ENTPD1: variants seen among roughly 807,000 people sequenced by gnomAD.
The protein encoded by ENTPD1 is ATP diphosphohydrolase.
In ENTPD1, 33 loss-of-function variants were observed where a neutral mutation model predicts 57.0. The ratio of observed to expected loss-of-function variants is 0.58; its 90% CI spans 0.44 to 0.77. The LOEUF (loss-of-function observed/expected upper bound fraction) is 0.77, where lower values mean the gene tolerates loss of function less well. ENTPD1 is among the 30% of genes least tolerant of loss of function. The probability of loss-of-function intolerance (pLI) is 0.00; values close to 1 mark genes in which losing one functional copy is unlikely to be tolerated. For missense variants in ENTPD1, 501 were observed against 603.4 expected (o/e 0.83, Z 1.78); for synonymous variants, 202 against 218.8 (o/e 0.92, Z 0.68).
chr10:95,778,069 G>A (rs1477425889), intron 1 of ENTPD1, among the ~76,000 whole-genome samples: 1 of 152,180 alleles, frequency 6.6e-6, no homozygotes, highest in Non-Finnish European at 1.5e-5. Flanking sequence ...CCTTGGCTAG[G>A]AAAGGGAAAT....
At chr10:95,728,214 C>A (rs1444633100) in intron 1 of ENTPD1, among the ~76,000 whole-genome samples, 1 of 152,150 alleles carries the variant, frequency 6.6e-6, no homozygotes. Flanking sequence ...TAATAGCCTA[C>A]TATTGGCCAG....
rs10882666 is a variant in ENTPD1 at position 95,795,537 on chromosome 10, G to T, written c.17-27700G>T. Among the ~76,000 whole-genome samples, 3 of 152,000 alleles carry T rather than the reference G, an allele frequency of 2.0e-5. No homozygotes were observed. The East Asian group carries it at 5.8e-4, about 29-fold the overall frequency. On this transcript the variant is annotated intron_variant, in intron 1 of 9. Transcript: ENST00000371205. ...GGACCAAATATATAGTATTTCCCAC[G>T]TATGGACAGTAACTAAGACCATGGG...
rs150772804 is a variant in ENTPD1, at chr10:95,823,245, G to A, written c.25G>A (p.Val9Met). The A allele has an allele frequency of 9.6e-4, 1,551 of 1,614,030 alleles. 3 individuals carry two copies. Among genetic ancestry groups the A allele is most frequent in the Non-Finnish European group, 1.3e-3 (1,475 of 1,179,944 alleles). Residue 9 changes from valine (V) to methionine (M), a missense_variant, in exon 2 of 10, where the codon GTG becomes ATG. Coordinates refer to ENST00000371205, the MANE Select transcript of ENTPD1 (RefSeq NM_001776.6). MEDTKESN[V>M]KTFCSKNILA... ...TCTGCTTTTGGTTTTAGAGTCTAAC[G>A]TGAAGACATTTTGCTCCAAGAATAT...
intron 1 of ENTPD1, among the ~76,000 whole-genome samples, chr10:95,792,625 T>C (rs1236076586): frequency 1.3e-5 from 2 of 152,202 alleles, no homozygotes; most frequent in Non-Finnish European, 2.9e-5. Flanking sequence ...AATTAGGCTG[T>C]TGCCTCTCTC....
the ENTPD1 span, among the ~76,000 whole-genome samples, chr10:95,705,655 C>G: frequency 2.3e-3 from 356 of 152,258 alleles, no homozygotes; most frequent in Non-Finnish European, 3.6e-3. Context: ...CCACACCTGG[C>G]TAATTTTTGT....
At chr10:95,766,883 C>CTTT (rs377239129) in intron 1 of ENTPD1, among the ~76,000 whole-genome samples, 8 of 142,788 alleles carry the variant, frequency 5.6e-5, no homozygotes, top group Non-Finnish European at 6.1e-5. Flanking sequence ...TTGTAGCAAT[C>CTTT]TTTTTTTTTT....
intron 8 of ENTPD1, chr10:95,861,390 CAT>C (rs1354848400): frequency 2.0e-5 from 3 of 152,198 alleles, no homozygotes; most frequent in African/African-American, 7.2e-5. Flanking sequence ...TTATAAAAGA[CAT>C]AGCTCAAAAC....
At chr10:95,845,707 C>T in intron 6 of ENTPD1, 111 bp downstream of exon 6, 4 of 1,590,422 alleles carry the variant, frequency 2.5e-6, no homozygotes, top group Non-Finnish European at 3.4e-6. Flanking sequence ...GGTTATTGTA[C>T]TTTCCAAACC....
chr10:95,710,078 A>C (rs2097964324), upstream of ENTPD1, among the ~76,000 whole-genome samples: 1 of 150,960 alleles, frequency 6.6e-6, no homozygotes, highest in African/African-American at 2.4e-5. Context: ...ACAGCCCCCA[A>C]GACGTAATTT....
chr10:95,708,782 G>C (rs1566082698), upstream of ENTPD1, among the ~76,000 whole-genome samples: 1 of 152,104 alleles, frequency 6.6e-6, no homozygotes, highest in Non-Finnish European at 1.5e-5. Context: ...ACTAAAAAAG[G>C]CACATTTAAA....
intron 1 of ENTPD1, among the ~76,000 whole-genome samples, chr10:95,784,106 T>TTTG (rs1434611514): frequency 9.3e-5 from 14 of 150,664 alleles, no homozygotes; most frequent in Admixed American, 9.3e-4. Flanking sequence ...CTTGTTCTTT[T>TTTG]TTTTTTTTTT....
intron 6 of ENTPD1, among the ~76,000 whole-genome samples, chr10:95,846,887 T>G (rs1216592780): frequency 4.6e-5 from 7 of 151,008 alleles, no homozygotes; most frequent in Non-Finnish European, 1.0e-4. Context: ...TACTAAGGAG[T>G]CTGAGGCAGG....
At chr10:95,719,183 T>C (rs994238453) in intron 1 of ENTPD1, among the ~76,000 whole-genome samples, 1 of 152,204 alleles carries the variant, frequency 6.6e-6, no homozygotes, top group Non-Finnish European at 1.5e-5. Flanking sequence ...ATTTCCTTAC[T>C]TAGGTAAGCC....
At chr10:95,747,886 T>C (rs2098007721) in intron 1 of ENTPD1, among the ~76,000 whole-genome samples, 1 of 152,134 alleles carries the variant, frequency 6.6e-6, no homozygotes, top group Admixed American at 6.5e-5. Flanking sequence ...TTTTTTTTTT[T>C]TTTGAAGTGG....
At chr10:95,795,228 A>C (rs765328375) in intron 1 of ENTPD1, among the ~76,000 whole-genome samples, 1 of 152,148 alleles carries the variant, frequency 6.6e-6, no homozygotes, top group Non-Finnish European at 1.5e-5. Flanking sequence ...GACTTGGTAC[A>C]AGGCCTCAGG....
the ENTPD1 span, chr10:95,694,267 A>AC: frequency 1.1e-5 from 3 of 278,642 alleles, no homozygotes; most frequent in South Asian, 1.1e-4. Context: ...GTGCAAGGAA[A>AC]CCCCAGAGGC....
At chr10:95,794,499 CCCAG>C (rs1236327992) in intron 1 of ENTPD1, among the ~76,000 whole-genome samples, 9 of 152,118 alleles carry the variant, frequency 5.9e-5, no homozygotes, top group Non-Finnish European at 1.0e-4. Flanking sequence ...GTGCCAGGAC[CCCAG>C]CCCCCGAGGG....
chr10:95,833,125 C>T (rs2098401254), intron 2 of ENTPD1, among the ~76,000 whole-genome samples: 1 of 152,168 alleles, frequency 6.6e-6, no homozygotes, highest in African/African-American at 2.4e-5. Flanking sequence ...ACCTCGAATA[C>T]TCTTGGAAAA....
intron 3 of ENTPD1, 44 bp downstream of exon 3, chr10:95,839,852 G>GACCAGT (rs745492805): frequency 6.8e-5 from 107 of 1,578,066 alleles, no homozygotes; most frequent in Non-Finnish European, 8.7e-5. Flanking sequence ...AGTGGGGCAT[G>GACCAGT]AGAACATGAG....
Sources: allele counts gnomAD v4.1 joint callset (sites outside exome capture counted in the v4.1 genomes callset), GRCh38; gene constraint gnomAD v4.1.1; transcripts MANE v1.5; gene names NCBI Gene and HGNC (gene_info 2026-07-23, HGNC 2026-07-21).